Variants in SMIM14 observed in about 807,000 individuals in gnomAD.
The protein encoded by SMIM14 is small integral membrane protein 14, also known as chromosome 4 open reading frame 34.
In SMIM14, 5 loss-of-function variants were observed where a neutral mutation model predicts 12.6. The observed-to-expected ratio is 0.40, with a 90% CI of 0.21 to 0.83. The LOEUF is 0.83. Ranked by LOEUF, SMIM14 falls within the 40% of genes least tolerant of loss-of-function variation. The pLI is 0.37. For synonymous variants in SMIM14, 30 were observed against 40.1 expected (o/e 0.75, Z 0.95); for missense variants, 86 against 119.1 (o/e 0.72, Z 1.29).
chr4:39,600,674 G>A (rs1045135193), intron 2 of SMIM14, among the ~76,000 whole-genome samples: 8 of 151,024 alleles, frequency 5.3e-5, no homozygotes, highest in African/African-American at 1.9e-4. Context: ...TGGGCAACAA[G>A]AGCGAAACTC....
At chr4:39,556,244 T>C (rs11944799) in intron 4 of SMIM14, among the ~76,000 whole-genome samples, 184 bp downstream of exon 4, 19,375 of 152,062 alleles carry the variant, frequency 0.13, 2,873 homozygotes, top group African/African-American at 0.36. Flanking sequence ...TTTAACTCCA[T>C]AAAGATTAAG....
In SMIM14 at chr4:39,592,676, A is replaced by C. The variant is rs1424870392; in HGVS notation, c.75+12395T>G. The C allele has an allele frequency of 4.6e-5, 7 of 152,268 alleles. No homozygotes were observed. In the East Asian group the frequency reaches 1.4e-3, roughly 29 times the overall value. The allele number at this position is 152,268 out of a possible 1,614,324, so 9.4% of individuals were successfully genotyped here. A position where few individuals can be genotyped will look rare whatever the true frequency, so the allele number is the denominator to read the frequency against. ...ATTTAAAGATTTTCTTCTTCAGAAA[A>C]GAGAGAAGAATCAAATAGACGCAAT... On this transcript the variant is annotated intron_variant, in intron 2 of 4. Coordinates refer to ENST00000295958, the MANE Select transcript of SMIM14 (RefSeq NM_174921.3).
chr4:39,627,510 A>C (rs1715744806), intron 1 of SMIM14, among the ~76,000 whole-genome samples: 1 of 152,232 alleles, frequency 6.6e-6, no homozygotes, highest in African/African-American at 2.4e-5. Flanking sequence ...AACAAGAGTG[A>C]TAATTGAAAC....
intron 4 of SMIM14, 61 bp from the exon 5 acceptor site, chr4:39,552,219 A>G: frequency 7.1e-7 from 1 of 1,405,580 alleles, no homozygotes; most frequent in East Asian, 2.6e-5. Flanking sequence ...AAAATTTAAA[A>G]TTTATTACTT....
chr4:39,579,428 A>G (rs1260837700), intron 2 of SMIM14, among the ~76,000 whole-genome samples: 1 of 151,878 alleles, frequency 6.6e-6, no homozygotes, highest in Non-Finnish European at 1.5e-5. Context: ...AAAAAAAAGA[A>G]AAAAAAGAAA....
chr4:39,589,254 T>C (rs1463324255), intron 2 of SMIM14, among the ~76,000 whole-genome samples: 2 of 152,134 alleles, frequency 1.3e-5, no homozygotes, highest in African/African-American at 4.8e-5. Flanking sequence ...ATCTGGCTAA[T>C]TTTTGTATTT....
chr4:39,559,207 T>A (rs1449415106), intron 3 of SMIM14, among the ~76,000 whole-genome samples: 1 of 151,934 alleles, frequency 6.6e-6, no homozygotes, highest in Admixed American at 6.6e-5. Flanking sequence ...TATATGAAGG[T>A]GCATTGGTGA....
In SMIM14 at chr4:39,546,731, TG is replaced by T. The variant is rs1560277079; in HGVS notation, c.*5394del. The T allele has an allele frequency of 1.3e-5, 2 of 152,270 alleles. No homozygotes were observed. Among genetic ancestry groups the T allele is most frequent in the African/African-American group, 4.8e-5 (2 of 41,478 alleles). 9.4% of individuals were successfully genotyped at this position (152,270 alleles called of 1,614,324 possible). A position where few individuals can be genotyped will look rare whatever the true frequency, so the allele number is the denominator to read the frequency against. ...TTAGATTAAATCATAAAAAGTTGAC[TG>T]TCTCCAAGAAATTGTTATTTCACAA... On this transcript the variant is annotated 3_prime_UTR_variant, in exon 5 of 5. Transcript: ENST00000295958.
chr4:39,611,525 T>C (rs1025310369), intron 1 of SMIM14, among the ~76,000 whole-genome samples: 1 of 147,098 alleles, frequency 6.8e-6, no homozygotes, highest in African/African-American at 2.5e-5. Flanking sequence ...AAAAAAACAA[T>C]TAGCCAGGAA....
chr4:39,592,017 A>AC (rs1714110681), intron 2 of SMIM14, among the ~76,000 whole-genome samples: 1 of 146,694 alleles, frequency 6.8e-6, no homozygotes, highest in African/African-American at 2.5e-5. Context: ...ACACAGTGAG[A>AC]CCCCATCTCT....
intron 3 of SMIM14, among the ~76,000 whole-genome samples, chr4:39,566,765 G>A (rs753170239): frequency 2.6e-5 from 4 of 151,954 alleles, no homozygotes; most frequent in Admixed American, 6.6e-5. Context: ...TCAAGAGATC[G>A]AGACCATTTT....
Position 39,606,116 on chromosome 4 carries a change from C to T in SMIM14, c.-35-936G>A, listed in dbSNP as rs553853172. On this transcript the variant is annotated intron_variant, in intron 1 of 4. Transcript: ENST00000295958. ...ATCCCAGCACTTTGGGAGGCTGAGG[C>T]GGGAGGATCACTTGAGCCCAGGAGT... 3.6e-4 allele frequency among the ~76,000 whole-genome samples: 55 copies of T among 151,350 alleles called. No individual in the cohort carries two copies. In the Middle Eastern group the frequency reaches 0.017, roughly 47 times the overall value.
At chr4:39,636,229 G>A (rs889280049) in intron 1 of SMIM14, among the ~76,000 whole-genome samples, 1 of 148,272 alleles carries the variant, frequency 6.7e-6, no homozygotes, top group Non-Finnish European at 1.5e-5. Flanking sequence ...AATCTTCCAG[G>A]ACCTTACTGC....
At chr4:39,637,776 T>G (rs1209870996) in intron 1 of SMIM14, among the ~76,000 whole-genome samples, 1 of 152,178 alleles carries the variant, frequency 6.6e-6, no homozygotes, top group Non-Finnish European at 1.5e-5. Context: ...GCAGCAAGAA[T>G]GCCTCCTAAG....
chr4:39,558,513 T>C lies in SMIM14; in HGVS notation c.125-1943A>G, dbSNP rs1162953978. On this transcript the variant is annotated intron_variant, in intron 3 of 4. Transcript: ENST00000295958. The surrounding 1 kb of genome is among the most constrained non-coding windows in gnomAD (Gnocchi z 4.3). ...CCCAGGAAAAAGTTTCCTCCCCTTT[T>C]CAGGCATATACACAGTGGGCTCCGT... Among the ~76,000 whole-genome samples the C allele has an allele frequency of 6.6e-6, 1 of 152,100 alleles. No homozygotes were observed. Among genetic ancestry groups the C allele is most frequent in the East Asian group, 1.9e-4 (1 of 5,200 alleles).
At chr4:39,556,378 G>A (rs1375588241) in intron 4 of SMIM14, 50 bp downstream of exon 4, 6 of 1,564,250 alleles carry the variant, frequency 3.8e-6, no homozygotes, top group South Asian at 1.2e-5. Flanking sequence ...CCTGCCCCAG[G>A]CCACATACAT....
chr4:39,600,399 C>A (rs1186003261), intron 2 of SMIM14, among the ~76,000 whole-genome samples: 1 of 151,832 alleles, frequency 6.6e-6, no homozygotes, highest in East Asian at 1.9e-4. Context: ...ACTATTAAAT[C>A]AGGAAAAGGG....
chr4:39,606,779 G>A (rs1320187538), intron 1 of SMIM14, among the ~76,000 whole-genome samples: 1 of 152,122 alleles, frequency 6.6e-6, no homozygotes, highest in Admixed American at 6.6e-5. Context: ...AGTATGTGGT[G>A]GGAAAACCCA....
At chr4:39,592,046 A>G (rs1714113738) in intron 2 of SMIM14, among the ~76,000 whole-genome samples, 1 of 151,974 alleles carries the variant, frequency 6.6e-6, no homozygotes, top group Non-Finnish European at 1.5e-5. Flanking sequence ...AAATACAAAA[A>G]TTAGCCAGGC....
Sources: gnomAD v4.1 joint callset for allele counts (sites outside exome capture counted in the v4.1 genomes callset) on GRCh38, gnomAD v4.1.1 for gene constraint, Gnocchi (gnomAD v3.1) non-coding constraint, MANE v1.5 for transcripts, NCBI Gene and HGNC (gene_info 2026-07-23, HGNC 2026-07-21) for gene names.